The following REPS2 variants were observed in gnomAD, a reference collection of about 807,000 sequenced individuals.
The protein encoded by REPS2 is ralBP1-associated Eps domain-containing protein 2.
Under a neutral mutation model 53.6 loss-of-function variants are expected in REPS2, and 23 were observed. That is an observed-to-expected ratio of 0.43 (90% CI 0.31 to 0.61). REPS2 has a LOEUF of 0.61. Ranked by LOEUF, REPS2 falls within the 20% of genes least tolerant of loss-of-function variation. The probability of loss-of-function intolerance (pLI) is 0.11; values close to 1 mark genes in which losing one functional copy is unlikely to be tolerated. For missense variants in REPS2, 446 were observed against 534.9 expected (o/e 0.83, Z 1.64); for synonymous variants, 238 against 218.6 (o/e 1.09, Z -0.78).
intron 6 of REPS2, among the ~76,000 whole-genome samples, chrX:17,049,264 A>T (rs1490956104): frequency 1.1e-4 from 12 of 112,261 alleles, no homozygotes; most frequent in African/African-American, 3.9e-4. Flanking sequence ...AGTTAACTGT[A>T]AAACAGCCTC....
intron 14 of REPS2, among the ~76,000 whole-genome samples, chrX:17,130,315 T>C (rs1452262946): frequency 9.0e-6 from 1 of 111,688 alleles, no homozygotes; most frequent in Non-Finnish European, 1.9e-5. Flanking sequence ...GAGTTCCCCC[T>C]CACTCCTGCT....
chrX:17,139,024 T>A (rs1010047966), intron 17 of REPS2, 63 bp downstream of exon 17: 127 of 710,177 alleles, frequency 1.8e-4, no homozygotes, highest in East Asian at 1.0e-3. Flanking sequence ...AAGCTTTTTT[T>A]TAATTTAATA....
chrX:17,074,101 A>C lies in REPS2; in HGVS notation c.1334-13A>C. The C allele has an allele frequency of 8.3e-7, 1 of 1,207,675 alleles. No homozygotes were observed. The highest frequency in any genetic ancestry group is 1.1e-6 in the Non-Finnish European group (1 of 892,424). On this transcript the variant is annotated splice_polypyrimidine_tract_variant and intron_variant, in intron 11 of 17. Coordinates refer to ENST00000357277, the MANE Select transcript of REPS2 (RefSeq NM_004726.3). ...ACTGCAGAAATGAAACCCAAGCAATATCTTTGTTTCAGCAACTCCCAAGGA... is the reference window on the plus strand; with the variant it reads ...ACTGCAGAAATGAAACCCAAGCAATCTCTTTGTTTCAGCAACTCCCAAGGA...
intron 13 of REPS2, among the ~76,000 whole-genome samples, chrX:17,084,525 A>G (rs901801697): frequency 1.8e-5 from 2 of 112,432 alleles, no homozygotes; most frequent in African/African-American, 6.5e-5. Context: ...TTAGCAATTT[A>G]TGAGGATTCC....
chrX:17,014,365 C>T (rs763227386), intron 2 of REPS2, among the ~76,000 whole-genome samples: 60 of 111,823 alleles, frequency 5.4e-4, no homozygotes, highest in African/African-American at 1.8e-3. Context: ...TATCCACCAT[C>T]CTCCTCTGCC....
intron 2 of REPS2, among the ~76,000 whole-genome samples, chrX:17,013,359 A>T (rs1395278566): frequency 8.9e-6 from 1 of 111,825 alleles, no homozygotes; most frequent in African/African-American, 3.3e-5. Context: ...AGGTAGAAGG[A>T]TTTTGCAGCA....
chrX:17,186,180 C>G, the REPS2 span, among the ~76,000 whole-genome samples: 1 of 112,338 alleles, frequency 8.9e-6, no homozygotes, highest in Non-Finnish European at 1.9e-5. Context: ...GAGGACACCC[C>G]AAAGTGGGGG....
chrX:16,999,065 A>G (rs1446847539), intron 1 of REPS2, among the ~76,000 whole-genome samples: 1 of 112,396 alleles, frequency 8.9e-6, no homozygotes, highest in Non-Finnish European at 1.9e-5. Context: ...TATGATGGAC[A>G]GTCACAGATA....
At chrX:17,195,792 C>G in the REPS2 span, among the ~76,000 whole-genome samples, 3 of 111,952 alleles carry the variant, frequency 2.7e-5, no homozygotes, top group Non-Finnish European at 5.6e-5. Flanking sequence ...AAGATTTTGC[C>G]CTCTGGCTTC....
At chrX:17,000,277 C>T (rs2061290682) in intron 1 of REPS2, among the ~76,000 whole-genome samples, 2 of 110,930 alleles carry the variant, frequency 1.8e-5, no homozygotes, top group Non-Finnish European at 3.8e-5. Context: ...GTTTTCTTCT[C>T]ATGGAAGTGT....
rs1476201462 is a variant in REPS2, at chrX:16,946,711, G to C, written c.-151G>C. On this transcript the variant is annotated 5_prime_UTR_variant, in exon 1 of 18. Coordinates refer to ENST00000357277, the MANE Select transcript of REPS2 (RefSeq NM_004726.3). ...GCGCGCCGGGAGGAAGCGGCCGCGC[G>C]GCAGCTGCGGGGCGTGGGGGTGGTG... 2.2e-4 allele frequency: 132 copies of C among 609,161 alleles called. No individual in the cohort carries two copies. Among genetic ancestry groups the C allele is most frequent in the Non-Finnish European group, 7.4e-5 (38 of 512,235 alleles). 50.2% of individuals were successfully genotyped at this position (609,161 alleles called of 1,213,427 possible).
chrX:17,140,738 T>C (rs1228208545), intron 17 of REPS2, among the ~76,000 whole-genome samples: 2 of 12,540 alleles, frequency 1.6e-4, no homozygotes, highest in Non-Finnish European at 3.1e-4. Flanking sequence ...TGCACAAATA[T>C]TATTATTATT....
chrX:17,111,584 A>G (rs1414407332), intron 14 of REPS2, among the ~76,000 whole-genome samples: 1 of 112,333 alleles, frequency 8.9e-6, no homozygotes, highest in African/African-American at 3.2e-5. Context: ...GAAAGAAGAT[A>G]TAAACCAAGG....
intron 1 of REPS2, among the ~76,000 whole-genome samples, chrX:16,984,752 A>T (rs762903884): frequency 3.5e-4 from 39 of 111,368 alleles, no homozygotes; most frequent in South Asian, 1.1e-3. Flanking sequence ...TTTTTTTTTA[A>T]ATAGGTTTGA....
chrX:17,042,427 G>A (rs941298448), intron 5 of REPS2, among the ~76,000 whole-genome samples: 2 of 111,731 alleles, frequency 1.8e-5, no homozygotes, highest in East Asian at 5.6e-4. Context: ...GAAGATTGTT[G>A]TGGTTGATTG....
At chrX:17,178,265 A>T in the REPS2 span, among the ~76,000 whole-genome samples, 1 of 112,177 alleles carries the variant, frequency 8.9e-6, no homozygotes, top group Non-Finnish European at 1.9e-5. Flanking sequence ...TTGTCTGACC[A>T]TGTAACCTTG....
intron 2 of REPS2, among the ~76,000 whole-genome samples, chrX:17,020,057 C>G (rs1444769148): frequency 3.6e-5 from 4 of 111,700 alleles, no homozygotes. Context: ...TGTTTGGTGG[C>G]TGTCTGGGGG....
At chrX:17,182,797 C>T in the REPS2 span, among the ~76,000 whole-genome samples, 5 of 112,058 alleles carry the variant, frequency 4.5e-5, no homozygotes, top group South Asian at 1.9e-3. Context: ...GCACCTACTA[C>T]GTACCAGGAG....
the REPS2 span, among the ~76,000 whole-genome samples, chrX:17,184,118 G>A: frequency 2.0e-4 from 21 of 107,668 alleles, no homozygotes; most frequent in Non-Finnish European, 3.3e-4. Context: ...ATGCTGGTGC[G>A]CTGCACCCAC....
Sources: allele counts gnomAD v4.1 joint callset (sites outside exome capture counted in the v4.1 genomes callset), GRCh38; gene constraint gnomAD v4.1.1; transcripts MANE v1.5; gene names NCBI Gene and HGNC (gene_info 2026-07-23, HGNC 2026-07-21).